Variants in KCNH5 observed in about 807,000 individuals in gnomAD.
The protein encoded by KCNH5 is voltage-gated delayed rectifier potassium channel KCNH5.
A neutral mutation model predicts 96.1 loss-of-function variants in KCNH5; 46 were observed. That is an observed-to-expected ratio of 0.48 (90% CI 0.38 to 0.61). The LOEUF is 0.61. Among genes scored for constraint, KCNH5 ranks in the 20% least tolerant of loss-of-function variants. The probability of loss-of-function intolerance (pLI) is 0.00; values close to 1 mark genes in which losing one functional copy is unlikely to be tolerated. For synonymous variants in KCNH5, 439 were observed against 449.8 expected (o/e 0.98, Z 0.30); for missense variants, 907 against 1,225.8 (o/e 0.74, Z 3.88).
chr14:62,734,409 C>A (rs1378999685), intron 10 of KCNH5, among the ~76,000 whole-genome samples: 4 of 152,142 alleles, frequency 2.6e-5, no homozygotes, highest in Non-Finnish European at 4.4e-5. Context: ...CTATTGATAA[C>A]AAACCACTTA....
At chr14:62,845,534 T>C (rs1024415207) in intron 8 of KCNH5, among the ~76,000 whole-genome samples, 2 of 152,182 alleles carry the variant, frequency 1.3e-5, no homozygotes, top group African/African-American at 2.4e-5. Flanking sequence ...GAACAGACTA[T>C]ACAGGGGACA....
chr14:62,787,821 T>C (rs1295754600), intron 9 of KCNH5, among the ~76,000 whole-genome samples: 1 of 152,200 alleles, frequency 6.6e-6, no homozygotes, highest in Admixed American at 6.5e-5. Context: ...CATGCTTTAC[T>C]GAATATTTTA....
chr14:62,848,573 C>T (rs968639899), intron 8 of KCNH5, among the ~76,000 whole-genome samples: 3 of 152,158 alleles, frequency 2.0e-5, no homozygotes, highest in Non-Finnish European at 4.4e-5. Flanking sequence ...GTTCCTCGTC[C>T]ATTCCCTATG....
intron 10 of KCNH5, among the ~76,000 whole-genome samples, chr14:62,724,295 T>G (rs1884876815): frequency 6.6e-6 from 1 of 152,216 alleles, no homozygotes; most frequent in African/African-American, 2.4e-5. Flanking sequence ...GCCAGGATTC[T>G]AACTAGCTAT....
intron 7 of KCNH5, among the ~76,000 whole-genome samples, chr14:62,856,171 C>T (rs1282247442): frequency 1.3e-5 from 2 of 152,140 alleles, no homozygotes; most frequent in African/African-American, 2.4e-5. Context: ...CTGGCCTTCA[C>T]TCTTATAAAT....
intron 10 of KCNH5, among the ~76,000 whole-genome samples, chr14:62,775,055 A>G (rs1886067661): frequency 6.6e-6 from 1 of 152,242 alleles, no homozygotes; most frequent in Non-Finnish European, 1.5e-5. Context: ...AATAACTATC[A>G]TAATTGTTAA....
chr14:63,028,966 C>T (rs1395364342), intron 1 of KCNH5, among the ~76,000 whole-genome samples: 1 of 152,014 alleles, frequency 6.6e-6, no homozygotes, highest in Non-Finnish European at 1.5e-5. Flanking sequence ...AGGAAATATG[C>T]TCTCCATTCA....
intron 7 of KCNH5, among the ~76,000 whole-genome samples, chr14:62,880,800 T>C (rs1225036330): frequency 6.6e-6 from 1 of 152,158 alleles, no homozygotes; most frequent in East Asian, 1.9e-4. Context: ...CACTGTAAAT[T>C]TAGTATAGTA....
At chr14:62,832,077 T>C (rs1387161376) in intron 8 of KCNH5, among the ~76,000 whole-genome samples, 1 of 152,200 alleles carries the variant, frequency 6.6e-6, no homozygotes, top group Admixed American at 6.5e-5. Context: ...ACTTGTGTCA[T>C]ATTAAAGCAA....
chr14:62,936,674 CAAAA>C (rs3080873), intron 7 of KCNH5, among the ~76,000 whole-genome samples: 32 of 119,752 alleles, frequency 2.7e-4, no homozygotes, highest in African/African-American at 8.8e-4. Context: ...GACCCTGCCT[CAAAA>C]AAAAAAAAAA....
intron 7 of KCNH5, among the ~76,000 whole-genome samples, chr14:62,878,089 G>A (rs566336004): frequency 4.3e-4 from 63 of 147,754 alleles, no homozygotes; most frequent in African/African-American, 1.3e-3. Flanking sequence ...GTAAACTATC[G>A]CAAGGACAAA....
chr14:62,853,858 T>A (rs1190865880), intron 7 of KCNH5, among the ~76,000 whole-genome samples: 1 of 151,618 alleles, frequency 6.6e-6, no homozygotes, highest in Non-Finnish European at 1.5e-5. Context: ...AATACAAAAA[T>A]TAGCTGGGCA....
At chr14:62,877,263 C>T (rs113337201) in intron 7 of KCNH5, among the ~76,000 whole-genome samples, 7,446 of 151,406 alleles carry the variant, frequency 0.049, 615 homozygotes, top group African/African-American at 0.17. Flanking sequence ...CTAGGCATTA[C>T]CATTCAGGAC....
chr14:62,879,264 G>A (rs1888445554), intron 7 of KCNH5, among the ~76,000 whole-genome samples: 1 of 152,124 alleles, frequency 6.6e-6, no homozygotes, highest in South Asian at 2.1e-4. Flanking sequence ...TTGCTGGTAG[G>A]AATGCAAATT....
intron 7 of KCNH5, among the ~76,000 whole-genome samples, chr14:62,911,527 G>A (rs577244138): frequency 9.2e-5 from 14 of 151,748 alleles, no homozygotes; most frequent in Non-Finnish European, 2.1e-4. Flanking sequence ...ACAAAGCCTG[G>A]AATTGTACCC....
intron 10 of KCNH5, among the ~76,000 whole-genome samples, chr14:62,724,592 G>A (rs912395673): frequency 1.3e-5 from 2 of 152,172 alleles, no homozygotes; most frequent in Non-Finnish European, 2.9e-5. Flanking sequence ...TAGGATACAT[G>A]AGCTGCTTTT....
At chr14:62,748,446 T>A (rs1885425062) in intron 10 of KCNH5, among the ~76,000 whole-genome samples, 1 of 152,212 alleles carries the variant, frequency 6.6e-6, no homozygotes. Flanking sequence ...TGTGAACATC[T>A]AGAGGCTCGG....
intron 7 of KCNH5, among the ~76,000 whole-genome samples, chr14:62,899,167 C>T (rs1223339309): frequency 6.6e-6 from 1 of 152,048 alleles, no homozygotes; most frequent in Non-Finnish European, 1.5e-5. Flanking sequence ...AGCACATCAC[C>T]ACATCATGGT....
At chr14:62,710,839 T>C (rs1884551298) in intron 10 of KCNH5, among the ~76,000 whole-genome samples, 1 of 152,212 alleles carries the variant, frequency 6.6e-6, no homozygotes, top group South Asian at 2.1e-4. Context: ...ACATTATAAA[T>C]CTGAATTGGA....
Sources: allele counts gnomAD v4.1 joint callset (sites outside exome capture counted in the v4.1 genomes callset), GRCh38; gene constraint gnomAD v4.1.1; transcripts MANE v1.5; gene names NCBI Gene and HGNC (gene_info 2026-07-23, HGNC 2026-07-21).